The following RBMS1 variants were observed in gnomAD, a reference collection of about 807,000 sequenced individuals.
The protein encoded by RBMS1 is RNA binding motif single stranded interacting protein 1.
RBMS1 carries 17 observed loss-of-function variants against 62.3 expected under a neutral mutation model. The observed-to-expected ratio is 0.27, with a 90% confidence interval of 0.19 to 0.41. The LOEUF (loss-of-function observed/expected upper bound fraction) is 0.41. Ranked by LOEUF, RBMS1 falls within the 10% of genes least tolerant of loss-of-function variation. RBMS1 has a pLI of 1.00. For synonymous variants in RBMS1, 172 were observed against 170.0 expected, an observed-to-expected ratio of 1.01 and a Z score of -0.09; for missense variants, 334 against 504.5, an observed-to-expected ratio of 0.66 and a Z score of 3.24.
chr2:160,366,196 C>T (rs1027220277), intron 2 of RBMS1, among the ~76,000 whole-genome samples: 3 of 152,156 alleles, frequency 2.0e-5, no homozygotes, highest in African/African-American at 7.2e-5. Flanking sequence ...CCATGGAAGG[C>T]CAGATGTTAC....
At chr2:160,398,827 CGA>C (rs1453336933) in intron 1 of RBMS1, among the ~76,000 whole-genome samples, 2 of 152,102 alleles carry the variant, frequency 1.3e-5, no homozygotes, top group Non-Finnish European at 2.9e-5. Flanking sequence ...GGTCTATTCC[CGA>C]GACCTTCCCC....
chr2:160,392,012 T>C (rs1370463372), intron 1 of RBMS1, among the ~76,000 whole-genome samples: 1 of 152,198 alleles, frequency 6.6e-6, no homozygotes, highest in Admixed American at 6.5e-5. Flanking sequence ...TAGTAACGAT[T>C]ACACAGATAT....
rs762396045 is a variant in RBMS1 at position 160,307,361 on chromosome 2, G to GAAAA, written c.403-3878_403-3875dup. Reference sequence around the variant, plus strand: ...CTGCTCGTGTGACTGCCTATTTATTGAAAAAAAAAAAAAAAAAAAAAGTGT... The same window carrying GAAAA: ...CTGCTCGTGTGACTGCCTATTTATTGAAAAAAAAAAAAAAAAAAAAAAAAAGTGT... On this transcript the variant is annotated intron_variant, in intron 4 of 13. Transcript: ENST00000348849. Among the ~76,000 whole-genome samples, 356 of 85,530 alleles carry GAAAA rather than the reference G, an allele frequency of 4.2e-3. 11 individuals carry two copies. The highest frequency in any genetic ancestry group is 7.5e-3 in the African/African-American group (166 of 22,224). The allele number at this position is 85,530 out of a possible 152,430, so 56.1% of individuals were successfully genotyped here. A position where few individuals can be genotyped will look rare whatever the true frequency, so the allele number is the denominator to read the frequency against.
intron 1 of RBMS1, among the ~76,000 whole-genome samples, chr2:160,473,698 T>C (rs1480479206): frequency 1.3e-5 from 2 of 152,188 alleles, no homozygotes; most frequent in Non-Finnish European, 2.9e-5. Flanking sequence ...TAGCTGCACA[T>C]AATTGGTATA....
chr2:160,449,555 C>T (rs1683870120), intron 1 of RBMS1, among the ~76,000 whole-genome samples: 1 of 152,180 alleles, frequency 6.6e-6, no homozygotes, highest in African/African-American at 2.4e-5. Flanking sequence ...GAAACATGTG[C>T]TGTGTCCACT....
At chr2:160,462,748 C>A (rs542438115) in intron 1 of RBMS1, among the ~76,000 whole-genome samples, 1 of 151,968 alleles carries the variant, frequency 6.6e-6, no homozygotes, top group South Asian at 2.1e-4. Context: ...AGCTGGGCAC[C>A]CCCATGCCCA....
At chr2:160,329,424 G>GC (rs1005638509) in intron 2 of RBMS1, among the ~76,000 whole-genome samples, 2 of 152,142 alleles carry the variant, frequency 1.3e-5, no homozygotes, top group Non-Finnish European at 2.9e-5. Context: ...AGGATACATA[G>GC]CCCCCCGTAT....
intron 1 of RBMS1, among the ~76,000 whole-genome samples, chr2:160,370,820 T>C (rs959802026): frequency 2.0e-5 from 3 of 152,186 alleles, no homozygotes; most frequent in Non-Finnish European, 2.9e-5. Context: ...CTTAATACCA[T>C]TGGCAGATAT....
intron 6 of RBMS1, among the ~76,000 whole-genome samples, chr2:160,293,687 G>A (rs1411575448): frequency 2.6e-5 from 4 of 152,304 alleles, no homozygotes; most frequent in East Asian, 1.9e-4. Flanking sequence ...TGGTGGTGGC[G>A]AGGGGGAGAG....
At chr2:160,327,248 C>G (rs1192275330) in intron 2 of RBMS1, among the ~76,000 whole-genome samples, 1 of 152,202 alleles carries the variant, frequency 6.6e-6, no homozygotes, top group African/African-American at 2.4e-5. Flanking sequence ...GATTTTGAGA[C>G]TAATAACCTT....
intron 1 of RBMS1, among the ~76,000 whole-genome samples, chr2:160,470,951 C>T (rs1684890565): frequency 6.6e-6 from 1 of 152,212 alleles, no homozygotes; most frequent in East Asian, 1.9e-4. Context: ...TAGAAAGCAT[C>T]TGTCCACAAT....
At chr2:160,357,390 G>GA (rs905460246) in intron 2 of RBMS1, among the ~76,000 whole-genome samples, 1 of 151,980 alleles carries the variant, frequency 6.6e-6, no homozygotes, top group Admixed American at 6.6e-5. Context: ...ATACCCTAAA[G>GA]AAAAAGGTCA....
intron 1 of RBMS1, among the ~76,000 whole-genome samples, chr2:160,444,201 T>C (rs1016027674): frequency 2.6e-5 from 4 of 152,176 alleles, no homozygotes; most frequent in African/African-American, 9.7e-5. Flanking sequence ...ACAAATATTA[T>C]AAAATACATT....
chr2:160,378,122 A>G (rs866082011), intron 1 of RBMS1, among the ~76,000 whole-genome samples: 50 of 149,316 alleles, frequency 3.3e-4, no homozygotes, highest in African/African-American at 1.2e-3. Context: ...TCTATGCTAG[A>G]TATCCAGTTG....
chr2:160,337,940 G>T (rs1225914290), intron 2 of RBMS1, among the ~76,000 whole-genome samples: 1 of 152,144 alleles, frequency 6.6e-6, no homozygotes, highest in African/African-American at 2.4e-5. Context: ...CCCCGACCAG[G>T]CATTCTTGTG....
intron 1 of RBMS1, among the ~76,000 whole-genome samples, chr2:160,433,134 C>T (rs1372408432): frequency 6.6e-6 from 1 of 152,058 alleles, no homozygotes; most frequent in East Asian, 1.9e-4. Context: ...AATCTTTAGA[C>T]TGAGTGAGGT....
intron 1 of RBMS1, among the ~76,000 whole-genome samples, chr2:160,457,953 TTTGTTG>T (rs60006211): frequency 0.32 from 47,414 of 150,446 alleles, 7,971 homozygotes; most frequent in East Asian, 0.59. Context: ...TATTGGTTTG[TTTGTTG>T]TTGTTGTTGT....
At chr2:160,405,506 TG>T (rs1185333288) in intron 1 of RBMS1, among the ~76,000 whole-genome samples, 2 of 152,228 alleles carry the variant, frequency 1.3e-5, no homozygotes, top group Non-Finnish European at 2.9e-5. Flanking sequence ...GTCCCCGCGC[TG>T]GAAGTGTGCT....
At chr2:160,456,706 A>C (rs1011332315) in intron 1 of RBMS1, among the ~76,000 whole-genome samples, 5 of 152,064 alleles carry the variant, frequency 3.3e-5, no homozygotes, top group African/African-American at 1.2e-4. Flanking sequence ...AGCTGTTCCT[A>C]TTTCTTATAT....
Sources: gnomAD v4.1 joint callset for allele counts (sites outside exome capture counted in the v4.1 genomes callset) on GRCh38, gnomAD v4.1.1 for gene constraint, MANE v1.5 for transcripts, NCBI Gene and HGNC (gene_info 2026-07-23, HGNC 2026-07-21) for gene names.